Variants in HMGA2 observed in about 807,000 individuals in gnomAD.
The protein encoded by HMGA2 is high mobility group AT-hook 2.
In HMGA2, 8 loss-of-function variants were observed where a neutral mutation model predicts 19.1. That is an observed-to-expected ratio of 0.42 (90% CI 0.25 to 0.76). HMGA2 has a LOEUF of 0.76. Ranked by LOEUF, HMGA2 falls within the 30% of genes least tolerant of loss-of-function variation. The pLI, the probability that HMGA2 is intolerant of heterozygous loss-of-function variation, is 0.28. For synonymous variants in HMGA2, 60 were observed against 48.8 expected, an observed-to-expected ratio of 1.23 and a Z score of -0.96; for missense variants, 109 against 136.3, an observed-to-expected ratio of 0.80 and a Z score of 1.00.
At chr12:65,882,127 T>G in intron 3 of HMGA2, 1 of 455,514 alleles carries the variant, frequency 2.2e-6, no homozygotes, top group Non-Finnish European at 4.1e-6. Flanking sequence ...GCAACCTTAG[T>G]CAATGACAGA....
At chr12:65,832,061 C>A (rs763164948) in intron 2 of HMGA2, among the ~76,000 whole-genome samples, 2 of 151,466 alleles carry the variant, frequency 1.3e-5, no homozygotes, top group Non-Finnish European at 3.0e-5. Context: ...TGAATTCAGG[C>A]GGATTCAGGG....
intron 2 of HMGA2, among the ~76,000 whole-genome samples, chr12:65,830,316 A>T (rs899530625): frequency 6.6e-6 from 1 of 151,986 alleles, no homozygotes; most frequent in African/African-American, 2.4e-5. Flanking sequence ...TTTGTTTATT[A>T]AGCATATATT....
At chr12:65,838,658 T>A in intron 3 of HMGA2, 89 bp downstream of exon 3, 1 of 922,648 alleles carries the variant, frequency 1.1e-6, no homozygotes, top group Non-Finnish European at 1.7e-6. Context: ...GTCGATTACA[T>A]GAATTTCCAA....
intron 3 of HMGA2, among the ~76,000 whole-genome samples, chr12:65,892,898 C>T (rs867898357): frequency 6.6e-6 from 1 of 152,132 alleles, no homozygotes; most frequent in Non-Finnish European, 1.5e-5. Context: ...CTCTTTCAAG[C>T]GGCGGAAACC....
intron 3 of HMGA2, among the ~76,000 whole-genome samples, chr12:65,891,402 C>A (rs1047429791): frequency 6.6e-6 from 1 of 152,122 alleles, no homozygotes; most frequent in African/African-American, 2.4e-5. Flanking sequence ...TGATGTTGAA[C>A]TACAATAATA....
At chr12:65,909,270 G>C (rs983727140) in intron 3 of HMGA2, among the ~76,000 whole-genome samples, 4 of 152,128 alleles carry the variant, frequency 2.6e-5, no homozygotes, top group Admixed American at 6.5e-5. Flanking sequence ...TTTCTGCTGG[G>C]AACTGCCCCA....
chr12:65,931,553 G>T (rs1312012481), intron 3 of HMGA2, among the ~76,000 whole-genome samples: 1 of 64,962 alleles, frequency 1.5e-5, no homozygotes, highest in Admixed American at 2.0e-4. Flanking sequence ...ATAGATGTTT[G>T]TGTGTGTGTG....
chr12:65,913,986 T>C (rs1874960844), intron 3 of HMGA2, among the ~76,000 whole-genome samples: 1 of 152,220 alleles, frequency 6.6e-6, no homozygotes, highest in African/African-American at 2.4e-5. Context: ...GCAACATGCT[T>C]TTTAAAAAAT....
intron 2 of HMGA2, among the ~76,000 whole-genome samples, chr12:65,835,031 A>G (rs1356300874): frequency 1.3e-5 from 2 of 152,222 alleles, no homozygotes; most frequent in African/African-American, 2.4e-5. Context: ...GTTCTTACCA[A>G]TGAGAATTCC....
intron 3 of HMGA2, among the ~76,000 whole-genome samples, chr12:65,880,333 A>C (rs1413640755): frequency 6.6e-6 from 1 of 152,218 alleles, no homozygotes; most frequent in Non-Finnish European, 1.5e-5. Context: ...AGAGCAAGAA[A>C]ACTTTGCAAA....
chr12:65,825,485 C>G lies in HMGA2; in HGVS notation c.111+104C>G. 1 of 697,384 alleles carries G rather than the reference C, an allele frequency of 1.4e-6. No individual in the cohort carries two copies. The highest frequency in any genetic ancestry group is 2.0e-6 in the Non-Finnish European group (1 of 496,536). 43.2% of individuals were successfully genotyped at this position (697,384 alleles called of 1,614,324 possible). A position where few individuals can be genotyped will look rare whatever the true frequency, so the allele number is the denominator to read the frequency against. ...AGTGCGGGAGCCCAGTCGCCGCGGCCGTCGCACACTGCCCGCCGGCCGGCC... is the reference window on the plus strand; with the variant it reads ...AGTGCGGGAGCCCAGTCGCCGCGGCGGTCGCACACTGCCCGCCGGCCGGCC... On this transcript the variant is annotated intron_variant, in intron 1 of 4. Transcript: ENST00000403681. The surrounding 1 kb of genome is among the most constrained non-coding windows in gnomAD (Gnocchi z 4.4).
At chr12:65,930,701 A>G in intron 3 of HMGA2, among the ~76,000 whole-genome samples, 1 of 152,160 alleles carries the variant, frequency 6.6e-6, no homozygotes, top group East Asian at 1.9e-4. Context: ...AGCAGGTGGT[A>G]TTTCCTTAAT....
chr12:65,906,328 G>A (rs148106852), intron 3 of HMGA2, among the ~76,000 whole-genome samples: 2 of 152,184 alleles, frequency 1.3e-5, no homozygotes, highest in East Asian at 3.9e-4. Context: ...TCACTTGGGG[G>A]GTCAGTGCCT....
At chr12:65,840,527 A>G (rs773094436) in intron 3 of HMGA2, among the ~76,000 whole-genome samples, 3 of 151,988 alleles carry the variant, frequency 2.0e-5, no homozygotes, top group Non-Finnish European at 4.4e-5. Context: ...ACTCAGGACT[A>G]CCTCTGGGAA....
chr12:65,901,980 A>C lies in HMGA2; in HGVS notation c.250-49403A>C, dbSNP rs574428570. The stretch of plus-strand genomic sequence containing the variant: ...GTGAGAACCATAGGAATGTTTTTCA[A>C]ATATAATAAAAATGGATGGTGTTGA... On this transcript the variant is annotated intron_variant, in intron 3 of 4. Transcript: ENST00000403681. Among the ~76,000 whole-genome samples the C allele has an allele frequency of 2.0e-5, 3 of 152,324 alleles. No individual in the cohort carries two copies. The East Asian group carries it at 5.8e-4, about 29-fold the overall frequency.
At chr12:65,871,376 C>A (rs1592405768) in intron 3 of HMGA2, among the ~76,000 whole-genome samples, 3 of 152,148 alleles carry the variant, frequency 2.0e-5, no homozygotes, top group South Asian at 2.1e-4. Flanking sequence ...ACTCTCCAAC[C>A]CTTAAGAGAA....
chr12:65,921,706 C>T (rs1184948833), intron 3 of HMGA2, among the ~76,000 whole-genome samples: 1 of 152,230 alleles, frequency 6.6e-6, no homozygotes, highest in Non-Finnish European at 1.5e-5. Context: ...ATCCCCAAGA[C>T]CATGGGGGAA....
chr12:65,955,881 A>G (rs1876591543), intron 4 of HMGA2: 1 of 152,226 alleles, frequency 6.6e-6, no homozygotes, highest in Admixed American at 6.5e-5. Context: ...CTTCAAGGGC[A>G]GTTTTAAGGA....
chr12:65,884,166 C>A (rs1873561744), intron 3 of HMGA2, among the ~76,000 whole-genome samples: 1 of 152,136 alleles, frequency 6.6e-6, no homozygotes, highest in South Asian at 2.1e-4. Flanking sequence ...GTATCTGGCT[C>A]TCATATTTTT....
Sources: allele counts gnomAD v4.1 joint callset (sites outside exome capture counted in the v4.1 genomes callset), GRCh38; gene constraint gnomAD v4.1.1; non-coding constraint Gnocchi (gnomAD v3.1); transcripts MANE v1.5; gene names NCBI Gene and HGNC (gene_info 2026-07-23, HGNC 2026-07-21).